Variants in RPH3A observed in about 807,000 individuals in gnomAD.
RPH3A encodes rabphilin-3A.
RPH3A carries 48 observed loss-of-function variants against 102.2 expected under a neutral mutation model. The observed-to-expected ratio is 0.47, with a 90% CI of 0.37 to 0.60. The LOEUF (loss-of-function observed/expected upper bound fraction) is 0.60, where lower values mean the gene tolerates loss of function less well. Ranked by LOEUF, RPH3A falls within the 20% of genes least tolerant of loss-of-function variation. The pLI is 0.00. For synonymous variants in RPH3A, 310 were observed against 324.3 expected, an observed-to-expected ratio of 0.96 and a Z score of 0.47; for missense variants, 781 against 910.1, an observed-to-expected ratio of 0.86 and a Z score of 1.83.
At chr12:112,577,787 C>T (rs972638928) in intron 1 of RPH3A, among the ~76,000 whole-genome samples, 5 of 151,452 alleles carry the variant, frequency 3.3e-5, no homozygotes, top group African/African-American at 1.2e-4. Context: ...AAGCAATCCT[C>T]TTGCCTTGAC....
intron 2 of RPH3A, among the ~76,000 whole-genome samples, chr12:112,800,663 G>T (rs563193108): frequency 6.6e-6 from 1 of 152,254 alleles, no homozygotes; most frequent in South Asian, 2.1e-4. Flanking sequence ...GAAGAAGGTG[G>T]TGACATTTGG....
intron 1 of RPH3A, among the ~76,000 whole-genome samples, chr12:112,705,471 G>T (rs925420812): frequency 6.6e-6 from 1 of 152,156 alleles, no homozygotes; most frequent in Non-Finnish European, 1.5e-5. Flanking sequence ...TTTGTGCAAG[G>T]AGGTTTATAG....
chr12:112,788,002 C>T (rs969739960), upstream of RPH3A, among the ~76,000 whole-genome samples: 11 of 152,216 alleles, frequency 7.2e-5, no homozygotes, highest in Admixed American at 2.0e-4. Context: ...AGACCCTGGC[C>T]GGGCTCAGCC....
At chr12:112,887,648 T>G in intron 16 of RPH3A, 149 bp from the exon 17 acceptor site, 1 of 870,210 alleles carries the variant, frequency 1.1e-6, no homozygotes, top group South Asian at 1.7e-5. Flanking sequence ...AAGTTAAAGG[T>G]ACTTGGTCCA....
In RPH3A at chr12:112,648,165, T is replaced by C. The variant is rs114915711; in HGVS notation, c.-140+72846T>C. Among the ~76,000 whole-genome samples the C allele has an allele frequency of 6.4e-3, 973 of 152,280 alleles. 11 individuals carry two copies. The highest frequency in any genetic ancestry group is 0.022 in the African/African-American group (927 of 41,562). ...CCCACTTGTATTTTTATATGCTTAG[T>C]TTTTAATTTATCACAACTGTGATCA... On this transcript the variant is annotated intron_variant, in intron 1 of 21. Transcript: ENST00000543106.
intron 5 of RPH3A, among the ~76,000 whole-genome samples, chr12:112,849,572 G>C (rs958520020): frequency 3.9e-5 from 6 of 152,140 alleles, no homozygotes; most frequent in African/African-American, 1.2e-4. Context: ...CTTACCACCA[G>C]CTATCACATT....
chr12:112,801,748 C>T (rs552657112), intron 2 of RPH3A, among the ~76,000 whole-genome samples: 1 of 152,258 alleles, frequency 6.6e-6, no homozygotes, highest in South Asian at 2.1e-4. Flanking sequence ...CCTTGCCCGC[C>T]TCTTCCTCCA....
At position 112,828,312 on chromosome 12, in the gene RPH3A, A is replaced by G. The variant is rs2041913993; in HGVS notation, c.-7A>G. 1.9e-6 allele frequency: 3 copies of G among 1,610,934 alleles called. No homozygotes were observed. The highest frequency in any genetic ancestry group is 2.7e-5 in the African/African-American group (2 of 74,756). On this transcript the variant is annotated 5_prime_UTR_variant, in exon 3 of 22. Transcript: ENST00000389385. ...TTGATGTTTTCCAGGAGCACTAGACATCTACTATGACTGACACCGTGTTCA... is the reference window on the plus strand; with the variant it reads ...TTGATGTTTTCCAGGAGCACTAGACGTCTACTATGACTGACACCGTGTTCA...
At chr12:112,866,367 G>T (rs2042611202) in intron 6 of RPH3A, among the ~76,000 whole-genome samples, 1 of 151,986 alleles carries the variant, frequency 6.6e-6, no homozygotes, top group South Asian at 2.1e-4. Context: ...TTCTCCTTGG[G>T]GAGTTAAACT....
chr12:112,749,900 G>A (rs982185575), intron 1 of RPH3A, among the ~76,000 whole-genome samples: 13 of 151,676 alleles, frequency 8.6e-5, no homozygotes, highest in African/African-American at 2.9e-4. Context: ...TGTTTTTTTT[G>A]TTTTTGAAGG....
intron 3 of RPH3A, among the ~76,000 whole-genome samples, chr12:112,832,357 T>G (rs533699109): frequency 1.3e-5 from 2 of 152,360 alleles, no homozygotes; most frequent in South Asian, 4.1e-4. Flanking sequence ...TTTAATCTCT[T>G]GCCTCTTGCT....
intron 1 of RPH3A, among the ~76,000 whole-genome samples, chr12:112,580,001 A>C (rs2039385777): frequency 6.6e-6 from 1 of 152,212 alleles, no homozygotes; most frequent in South Asian, 2.1e-4. Flanking sequence ...TTAGCTGATT[A>C]AGTAAACACA....
intron 1 of RPH3A, among the ~76,000 whole-genome samples, chr12:112,709,614 C>T (rs2040446617): frequency 1.3e-5 from 2 of 151,748 alleles, no homozygotes; most frequent in South Asian, 2.1e-4. Context: ...TTTATTTATT[C>T]CCCAAATGTT....
chr12:112,892,997 G>A (rs935850586), intron 19 of RPH3A: 5 of 152,144 alleles, frequency 3.3e-5, no homozygotes, highest in East Asian at 3.9e-4. Flanking sequence ...TTATTTCCTC[G>A]TATGACCCAA....
At chr12:112,724,139 C>T (rs1199306067) in intron 1 of RPH3A, among the ~76,000 whole-genome samples, 1 of 149,700 alleles carries the variant, frequency 6.7e-6, no homozygotes, top group Non-Finnish European at 1.5e-5. Flanking sequence ...TCACTGAAGC[C>T]TCATCCTCGC....
rs1422629223 is a variant in RPH3A, at chr12:112,898,786, C to G, written c.*2006C>G. 6.6e-6 allele frequency: 1 copy of G among 152,348 alleles called. No homozygotes were observed. Among genetic ancestry groups the G allele is most frequent in the Non-Finnish European group, 1.5e-5 (1 of 68,090 alleles). 9.4% of individuals were successfully genotyped at this position (152,348 alleles called of 1,614,324 possible). ...CCGACAAATGTAACCACCTCCCTGCCTAGAATACACACACGTCCTCCGGTG... is the reference window on the plus strand; with the variant it reads ...CCGACAAATGTAACCACCTCCCTGCGTAGAATACACACACGTCCTCCGGTG... On this transcript the variant is annotated 3_prime_UTR_variant, in exon 22 of 22. Coordinates refer to ENST00000389385, the MANE Select transcript of RPH3A (RefSeq NM_001143854.2).
At chr12:112,667,820 G>T (rs1327769154) in intron 1 of RPH3A, among the ~76,000 whole-genome samples, 3 of 152,130 alleles carry the variant, frequency 2.0e-5, no homozygotes, top group Non-Finnish European at 2.9e-5. Flanking sequence ...ACTTTGCAAA[G>T]AAAGAGTTGG....
chr12:112,826,444 GA>G (rs1368161240), intron 2 of RPH3A, among the ~76,000 whole-genome samples: 1 of 152,146 alleles, frequency 6.6e-6, no homozygotes, highest in African/African-American at 2.4e-5. Flanking sequence ...GCTTTTTCGG[GA>G]TGAAGGGAAG....
At chr12:112,833,428 A>G (rs1251296787) in intron 3 of RPH3A, among the ~76,000 whole-genome samples, 2 of 152,178 alleles carry the variant, frequency 1.3e-5, no homozygotes, top group African/African-American at 2.4e-5. Flanking sequence ...ATTTTCATTC[A>G]TAATTACTTG....
Sources: allele counts gnomAD v4.1 joint callset (sites outside exome capture counted in the v4.1 genomes callset), GRCh38; gene constraint gnomAD v4.1.1; transcripts MANE v1.5; gene names NCBI Gene and HGNC (gene_info 2026-07-23, HGNC 2026-07-21).